Variants in NEGR1 observed in about 807,000 individuals in gnomAD.
NEGR1 encodes IgLON family member 4.
Under a neutral mutation model 40.9 loss-of-function variants are expected in NEGR1, and 10 were observed. That is an observed-to-expected ratio of 0.24 (90% CI 0.15 to 0.42). The LOEUF (loss-of-function observed/expected upper bound fraction) is 0.42. NEGR1 is among the 10% of genes least tolerant of loss of function. The probability of loss-of-function intolerance (pLI) is 1.00; values close to 1 mark genes in which losing one functional copy is unlikely to be tolerated. For synonymous variants in NEGR1, 185 were observed against 166.8 expected (o/e 1.11, Z -0.84); for missense variants, 352 against 438.9 (o/e 0.80, Z 1.77).
intron 1 of NEGR1, among the ~76,000 whole-genome samples, chr1:71,979,244 A>G (rs1229597136): frequency 6.6e-6 from 1 of 152,126 alleles, no homozygotes. Flanking sequence ...AACGGAAAAA[A>G]TAACTATTGC....
At chr1:71,655,660 G>T (rs144767853) in intron 4 of NEGR1, among the ~76,000 whole-genome samples, 103 of 152,300 alleles carry the variant, frequency 6.8e-4, no homozygotes, top group African/African-American at 2.4e-3. Context: ...ATTACTTGAT[G>T]AGGGTGGGTT....
intron 1 of NEGR1, among the ~76,000 whole-genome samples, chr1:72,011,355 G>A (rs1281578394): frequency 6.6e-6 from 1 of 152,086 alleles, no homozygotes; most frequent in Non-Finnish European, 1.5e-5. Context: ...GAAAGGGAAG[G>A]TTAGGATTTG....
At chr1:71,992,186 G>A (rs1350145016) in intron 1 of NEGR1, among the ~76,000 whole-genome samples, 1 of 151,760 alleles carries the variant, frequency 6.6e-6, no homozygotes, top group Non-Finnish European at 1.5e-5. Context: ...AATATTATGA[G>A]TATTATTTAA....
intron 1 of NEGR1, among the ~76,000 whole-genome samples, chr1:72,186,111 A>G (rs979012331): frequency 2.0e-5 from 3 of 151,758 alleles, no homozygotes; most frequent in Non-Finnish European, 4.4e-5. Flanking sequence ...TTTGTAAAGG[A>G]AATAGATCTT....
chr1:71,535,241 C>T (rs774025402), intron 6 of NEGR1, among the ~76,000 whole-genome samples: 2 of 151,648 alleles, frequency 1.3e-5, no homozygotes, highest in Non-Finnish European at 3.0e-5. Context: ...GACATGTGAT[C>T]TTCAATTTCC....
chr1:71,642,182 TC>T (rs1651376176), intron 4 of NEGR1, among the ~76,000 whole-genome samples: 1 of 151,978 alleles, frequency 6.6e-6, no homozygotes, highest in African/African-American at 2.4e-5. Flanking sequence ...GCTGTGCCTC[TC>T]ATCACTGCCA....
rs113517692 is a variant in NEGR1, at chr1:71,860,083, C to T, written c.409+74996G>A. Among the ~76,000 whole-genome samples the T allele has an allele frequency of 3.0e-3, 449 of 151,864 alleles. 2 individuals carry two copies. The highest frequency in any genetic ancestry group is 0.01 in the African/African-American group (428 of 41,440). ...ACTGAGCATTCCATTCCAAATTCTGCGAATCCAGGTGATACGTGACCCTGT... is the reference window on the plus strand; with the variant it reads ...ACTGAGCATTCCATTCCAAATTCTGTGAATCCAGGTGATACGTGACCCTGT... On this transcript the variant is annotated intron_variant, in intron 2 of 6. Coordinates refer to ENST00000357731, the MANE Select transcript of NEGR1 (RefSeq NM_173808.3).
At chr1:71,505,719 T>C (rs1647028377) in intron 6 of NEGR1, among the ~76,000 whole-genome samples, 1 of 152,118 alleles carries the variant, frequency 6.6e-6, no homozygotes, top group Non-Finnish European at 1.5e-5. Flanking sequence ...ATCCTATAAC[T>C]GGGAGAAAAA....
intron 4 of NEGR1, among the ~76,000 whole-genome samples, chr1:71,663,432 A>G (rs1652136759): frequency 6.6e-6 from 1 of 152,184 alleles, no homozygotes; most frequent in African/African-American, 2.4e-5. Flanking sequence ...AATTTAATTC[A>G]ACAAACTCAA....
At chr1:71,700,663 G>A (rs1053666716) in intron 3 of NEGR1, among the ~76,000 whole-genome samples, 3 of 151,862 alleles carry the variant, frequency 2.0e-5, no homozygotes, top group Admixed American at 1.3e-4. Flanking sequence ...TTAAAACCAT[G>A]CAAATTTATT....
At chr1:71,898,957 TATATAGCATATATATATATATAGC>T (rs1661057107) in intron 2 of NEGR1, among the ~76,000 whole-genome samples, 3 of 102,108 alleles carry the variant, frequency 2.9e-5, no homozygotes, top group African/African-American at 1.2e-4. Context: ...CAAATATATA[TATATAGCATATATATATATATAGC>T]ATATATATAT....
chr1:72,197,341 T>C (rs955793952), intron 1 of NEGR1, among the ~76,000 whole-genome samples: 4 of 152,138 alleles, frequency 2.6e-5, no homozygotes, highest in African/African-American at 7.2e-5. Context: ...TGGTTGCAAA[T>C]ATAGGTTTAT....
At position 71,788,336 on chromosome 1, in the gene NEGR1, T is replaced by C. The variant is rs1173148844; in HGVS notation, c.410-12039A>G. On this transcript the variant is annotated intron_variant, in intron 2 of 6. Transcript: ENST00000357731. ...ACAGTGGTCTAAGTGCATTCTCTTA[T>C]AATTCAATATCAAAGAAATTGCTTT... Among the ~76,000 whole-genome samples the C allele has an allele frequency of 2.0e-5, 3 of 152,128 alleles. 1 individual carries two copies. The highest frequency in any genetic ancestry group is 4.4e-5 in the Non-Finnish European group (3 of 68,022).
chr1:71,852,111 T>C (rs1659621946), intron 2 of NEGR1, among the ~76,000 whole-genome samples: 1 of 152,202 alleles, frequency 6.6e-6, no homozygotes, highest in South Asian at 2.1e-4. Flanking sequence ...TAAGTGATTC[T>C]TACTTCCATA....
intron 1 of NEGR1, among the ~76,000 whole-genome samples, chr1:72,006,771 G>C (rs912326137): frequency 2.7e-4 from 41 of 152,092 alleles, no homozygotes; most frequent in Non-Finnish European, 4.1e-4. Flanking sequence ...AACTGGGGGG[G>C]GCGGGAAGCA....
At chr1:72,016,355 G>A (rs984938696) in intron 1 of NEGR1, among the ~76,000 whole-genome samples, 10 of 152,118 alleles carry the variant, frequency 6.6e-5, no homozygotes, top group Non-Finnish European at 1.3e-4. Context: ...CTAAGGATTA[G>A]TGACGTTAAC....
intron 2 of NEGR1, among the ~76,000 whole-genome samples, chr1:71,796,661 T>G (rs1161872530): frequency 6.6e-6 from 1 of 152,260 alleles, no homozygotes; most frequent in East Asian, 1.9e-4. Context: ...CTTTTTAATT[T>G]TATCCATCAG....
At chr1:71,875,095 T>C (rs184029462) in intron 2 of NEGR1, among the ~76,000 whole-genome samples, 30 of 152,228 alleles carry the variant, frequency 2.0e-4, no homozygotes, top group Admixed American at 6.6e-4. Flanking sequence ...AATCAGCCCA[T>C]CTCAGCCTTT....
At chr1:71,849,512 A>T (rs1381536824) in intron 2 of NEGR1, among the ~76,000 whole-genome samples, 1 of 152,000 alleles carries the variant, frequency 6.6e-6, no homozygotes, top group Non-Finnish European at 1.5e-5. Context: ...GTGAACACGA[A>T]ATCACAGTAA....
Sources: allele counts gnomAD v4.1 joint callset (sites outside exome capture counted in the v4.1 genomes callset), GRCh38; gene constraint gnomAD v4.1.1; transcripts MANE v1.5; gene names NCBI Gene and HGNC (gene_info 2026-07-23, HGNC 2026-07-21).